The following RADX variants were observed in gnomAD, a reference collection of about 807,000 sequenced individuals.
RADX encodes RPA1 related single stranded DNA binding protein, X-linked.
RADX carries 36 observed loss-of-function variants against 61.6 expected under a neutral mutation model. That is an observed-to-expected ratio of 0.58 (90% CI 0.45 to 0.77). The LOEUF is 0.77. RADX is among the 30% of genes least tolerant of loss of function. RADX has a pLI of 0.00. For missense variants in RADX, 497 were observed against 651.1 expected, an observed-to-expected ratio of 0.76 and a Z score of 2.58; for synonymous variants, 272 against 237.9, an observed-to-expected ratio of 1.14 and a Z score of -1.32.
intron 12 of RADX, among the ~76,000 whole-genome samples, chrX:106,667,282 C>T (rs750690793): frequency 1.2e-4 from 13 of 111,433 alleles, no homozygotes; most frequent in Admixed American, 3.8e-4. Flanking sequence ...TTGACTTAAA[C>T]GTTTGTACTT....
Position 106,640,293 on chromosome X carries a change from A to G in RADX, c.1735-259A>G, listed in dbSNP as rs947885483. The stretch of plus-strand genomic sequence containing the variant: ...CTTTTTAAACACTACGTCCAGGACT[A>G]CTACTATTTATATGGAAATAAGTGT... On this transcript the variant is annotated intron_variant, in intron 9 of 13. Transcript: ENST00000372548. 6.3e-5 allele frequency among the ~76,000 whole-genome samples: 7 copies of G among 111,597 alleles called. No homozygotes were observed. In the East Asian group the frequency reaches 2.0e-3, roughly 31 times the overall value.
chrX:106,642,913 G>C (rs1232437454), intron 10 of RADX, among the ~76,000 whole-genome samples: 1 of 111,580 alleles, frequency 9.0e-6, no homozygotes, highest in Admixed American at 9.5e-5. Flanking sequence ...ACCAGCATTT[G>C]TTATTGCCTG....
chrX:106,639,345 T>C (rs1927446191), intron 8 of RADX, 182 bp from the exon 9 acceptor site: 1 of 359,079 alleles, frequency 2.8e-6, no homozygotes, highest in Admixed American at 5.5e-5. Flanking sequence ...CAAATTTAAC[T>C]GATAAAAGTA....
chrX:106,668,541 T>G (rs1291563129), intron 12 of RADX, among the ~76,000 whole-genome samples: 2 of 111,883 alleles, frequency 1.8e-5, no homozygotes, highest in African/African-American at 6.5e-5. Flanking sequence ...AGAATTCTTT[T>G]CTTCCTCTAG....
At chrX:106,666,940 G>A (rs1412504331) in intron 12 of RADX, among the ~76,000 whole-genome samples, 3 of 111,572 alleles carry the variant, frequency 2.7e-5, no homozygotes, top group African/African-American at 9.8e-5. Flanking sequence ...AAAAATTATA[G>A]GTAAAATGCA....
chrX:106,671,553 G>A (rs771843119), intron 13 of RADX, among the ~76,000 whole-genome samples: 3 of 111,184 alleles, frequency 2.7e-5, no homozygotes, highest in Non-Finnish European at 5.7e-5. Context: ...ATTCCACAGG[G>A]CATACTTATA....
At position 106,649,787 on chromosome X, in the gene RADX, G is replaced by A. The variant is rs184717341; in HGVS notation, c.1978+1401G>A. On this transcript the variant is annotated intron_variant, in intron 11 of 13. Coordinates refer to ENST00000372548, the MANE Select transcript of RADX (RefSeq NM_018015.6). ...GCAGAAAGAAATAAATCCAAGAATA[G>A]CCTGACAGACCAGTAGCAAAAGGAG... Among the ~76,000 whole-genome samples the A allele has an allele frequency of 7.6e-4, 85 of 111,488 alleles. No individual in the cohort carries two copies. In the South Asian group the frequency reaches 7.8e-3, roughly 10 times the overall value.
At chrX:106,635,733 T>G (rs1927342850) in intron 6 of RADX, among the ~76,000 whole-genome samples, 1 of 112,124 alleles carries the variant, frequency 8.9e-6, no homozygotes, top group Non-Finnish European at 1.9e-5. Flanking sequence ...AATTTACATT[T>G]ATTTCTTCAT....
In RADX at chrX:106,637,752, G is replaced by A. The variant is rs1322936466; in HGVS notation, c.1409-8G>A. Reference sequence around the variant, plus strand: ...TCATTTTTTATGATTTACCCTTCCCGCGAGGAGGTCATAGAGGCCAGCCGT... The same window carrying A: ...TCATTTTTTATGATTTACCCTTCCCACGAGGAGGTCATAGAGGCCAGCCGT... On this transcript the variant is annotated splice_region_variant and splice_polypyrimidine_tract_variant and intron_variant, in intron 7 of 13. Coordinates refer to ENST00000372548, the MANE Select transcript of RADX (RefSeq NM_018015.6). 7.0e-6 allele frequency: 8 copies of A among 1,135,917 alleles called. No homozygotes were observed. Among genetic ancestry groups the A allele is most frequent in the Middle Eastern group, 2.5e-4 (1 of 4,037 alleles). The allele number at this position is 1,135,917 out of a possible 1,213,427, so 93.6% of individuals were successfully genotyped here.
chrX:106,648,713 G>A (rs1318502819), intron 11 of RADX, among the ~76,000 whole-genome samples: 1 of 111,023 alleles, frequency 9.0e-6, no homozygotes, highest in Non-Finnish European at 1.9e-5. Flanking sequence ...AAAGTAAATT[G>A]TATCTTCTTT....
intron 11 of RADX, among the ~76,000 whole-genome samples, chrX:106,658,822 A>T (rs1471729523): frequency 9.0e-6 from 1 of 111,685 alleles, no homozygotes; most frequent in East Asian, 2.8e-4. Context: ...TACACTTGAA[A>T]AGTTAACAGT....
chrX:106,656,173 CA>C (rs1374829390), intron 11 of RADX, among the ~76,000 whole-genome samples: 1 of 111,932 alleles, frequency 8.9e-6, no homozygotes, highest in Non-Finnish European at 1.9e-5. Context: ...GATTCAATCT[CA>C]AAAAAACCAC....
intron 10 of RADX, among the ~76,000 whole-genome samples, chrX:106,647,784 A>G (rs1366099102): frequency 9.0e-6 from 1 of 111,159 alleles, no homozygotes; most frequent in African/African-American, 3.3e-5. Flanking sequence ...TGCCATTTAT[A>G]TGTCTTTTTT....
chrX:106,670,676 A>G (rs5917014), intron 13 of RADX, among the ~76,000 whole-genome samples: 3,408 of 109,557 alleles, frequency 0.031, 64 homozygotes, highest in Non-Finnish European at 0.047. Flanking sequence ...GTGTTCATTT[A>G]ACTCTGTACC....
At chrX:106,654,401 A>G (rs957916802) in intron 11 of RADX, among the ~76,000 whole-genome samples, 6 of 110,769 alleles carry the variant, frequency 5.4e-5, no homozygotes, top group Non-Finnish European at 1.1e-4. Flanking sequence ...TTTCTTGTAA[A>G]TTTGTTTAAG....
intron 11 of RADX, among the ~76,000 whole-genome samples, chrX:106,655,997 A>G (rs1927931208): frequency 8.9e-6 from 1 of 112,422 alleles, no homozygotes; most frequent in Non-Finnish European, 1.9e-5. Flanking sequence ...TCTCTGTAGC[A>G]TGTGATGCTG....
At chrX:106,626,029 A>G (rs1168843787) in intron 3 of RADX, among the ~76,000 whole-genome samples, 1 of 111,802 alleles carries the variant, frequency 8.9e-6, no homozygotes, top group African/African-American at 3.2e-5. Context: ...CAATTGCTGC[A>G]ATCTTGAAAG....
At chrX:106,644,440 G>A (rs1213238800) in intron 10 of RADX, among the ~76,000 whole-genome samples, 2 of 111,161 alleles carry the variant, frequency 1.8e-5, no homozygotes, top group Non-Finnish European at 3.8e-5. Context: ...GCTGAAGTAC[G>A]TTCCTTCTAT....
intron 12 of RADX, among the ~76,000 whole-genome samples, chrX:106,667,911 T>A (rs1040462492): frequency 2.7e-5 from 3 of 111,619 alleles, no homozygotes; most frequent in African/African-American, 9.8e-5. Context: ...TTAAATTTAG[T>A]CTTAGAATCA....
Sources: gnomAD v4.1 joint callset for allele counts (sites outside exome capture counted in the v4.1 genomes callset) on GRCh38, gnomAD v4.1.1 for gene constraint, MANE v1.5 for transcripts, NCBI Gene and HGNC (gene_info 2026-07-23, HGNC 2026-07-21) for gene names.